Variants in ZNF862 observed in about 807,000 individuals in gnomAD.
The protein encoded by ZNF862 is zinc finger protein 862.
In ZNF862, 64 loss-of-function variants were observed where a neutral mutation model predicts 91.1. The observed-to-expected ratio is 0.70, with a 90% CI of 0.57 to 0.87. The LOEUF (loss-of-function observed/expected upper bound fraction) is 0.87, where lower values mean the gene tolerates loss of function less well. Ranked by LOEUF, ZNF862 falls within the 40% of genes least tolerant of loss-of-function variation. ZNF862 has a pLI of 0.00. For synonymous variants in ZNF862, 631 were observed against 618.1 expected (o/e 1.02, Z -0.31); for missense variants, 1,459 against 1,528.0 (o/e 0.95, Z 0.75).
chr7:149,860,517 C>T lies in ZNF862; in HGVS notation c.1357C>T (p.Pro453Ser). The T allele has an allele frequency of 1.2e-6, 2 of 1,613,930 alleles. No homozygotes were observed. The highest frequency in any genetic ancestry group is 1.7e-6 in the Non-Finnish European group (2 of 1,179,884). The change falls in exon 7 of 8, where the codon CCT (proline) becomes TCT (serine). Residue 453 changes from proline (P) to serine (S), a missense_variant. By Grantham distance (74) the Pro-to-Ser change is moderately conservative (BLOSUM62 -1). Transcript: ENST00000223210. The part of the protein sequence containing the change: ...SSSICEEGDG[P>S]RRIKRTYRPR... ...CAGCATTTGTGAGGAAGGAGATGGA[C>T]CTAGGAGAATCAAGAGGACATACAG...
rs1463908324 is a variant in ZNF862, at chr7:149,859,471, T to C, written c.1167T>C (p.Ala389=). ...TGATCTCCAAACTGGAGCGGAGGGCTGCACCCTGGATCAAGGACCCAAATG... is the reference window on the plus strand; with the variant it reads ...TGATCTCCAAACTGGAGCGGAGGGCCGCACCCTGGATCAAGGACCCAAATG... ...PDLISKLERR[A]APWIKDPNGP... The change falls in exon 6 of 8, where the codon GCT becomes GCC. Residue 389 remains alanine, a synonymous_variant. Transcript: ENST00000223210. 4 of 1,589,328 alleles carry C rather than the reference T, an allele frequency of 2.5e-6. No homozygotes were observed. Among genetic ancestry groups the C allele is most frequent in the Admixed American group, 1.8e-5 (1 of 56,598 alleles).
chr7:149,859,690 G>T (rs1301915810), intron 6 of ZNF862, 164 bp downstream of exon 6: 6 of 611,048 alleles, frequency 9.8e-6, no homozygotes, highest in Non-Finnish European at 1.4e-5. Flanking sequence ...AACTAACCCT[G>T]CCCACAGAGT....
chr7:149,850,061 G>A lies in ZNF862; in HGVS notation c.940-100G>A. The stretch of plus-strand genomic sequence containing the variant: ...TCTGAGTGCATCTGGGCCTCTTGGT[G>A]AGCTTCCCAGGAGAAATAGGGCTTC... On this transcript the variant is annotated intron_variant, in intron 4 of 7. Transcript: ENST00000223210. This position sits in a 1 kb window ranked among gnomAD's most constrained non-coding sequence, Gnocchi z 4.2. The A allele has an allele frequency of 7.8e-7, 1 of 1,289,966 alleles. No individual in the cohort carries two copies. Among genetic ancestry groups the A allele is most frequent in the South Asian group, 1.3e-5 (1 of 76,224 alleles). 79.9% of individuals were successfully genotyped at this position (1,289,966 alleles called of 1,614,324 possible). A position where few individuals can be genotyped will look rare whatever the true frequency, so the allele number is the denominator to read the frequency against.
At chr7:149,840,764 A>T (rs1439719316) in intron 1 of ZNF862, 1 of 171,024 alleles carries the variant, frequency 5.8e-6, no homozygotes. Context: ...ATTGTAGCCT[A>T]GGGGGCAAAA....
Position 149,864,110 on chromosome 7 carries a change from C to T in ZNF862, c.3336C>T (p.Ser1112=), listed in dbSNP as rs1744778221. ...CAQVPARSPA[S]ARLRKEEMGA... ...TGTATTCTCCTTCCTCCCTCACAGG[C>T]GCCAGGCTCAGGAAGGAGGAGATGG... The change falls in exon 8 of 8, where the codon AGC becomes AGT. Residue 1112 remains serine, a splice_region_variant and synonymous_variant. Transcript: ENST00000223210. The T allele has an allele frequency of 7.0e-6, 11 of 1,575,136 alleles. No individual in the cohort carries two copies. Among genetic ancestry groups the T allele is most frequent in the South Asian group, 2.3e-5 (2 of 85,590 alleles).
chr7:149,853,781 T>C (rs1205866978), intron 5 of ZNF862, among the ~76,000 whole-genome samples: 1 of 151,802 alleles, frequency 6.6e-6, no homozygotes, highest in Non-Finnish European at 1.5e-5. Flanking sequence ...CTACTAAAAA[T>C]ACAAAAATTA....
In ZNF862 at chr7:149,861,798, G is replaced by A. The variant is rs906190541; in HGVS notation, c.2638G>A (p.Glu880Lys). Reference sequence around the variant, plus strand: ...GCTGGGCCGCGCCTACGTGGCACTGGAGAGCCTCCGTCACCAGGCAGGGCC... The same window carrying A: ...GCTGGGCCGCGCCTACGTGGCACTGAAGAGCCTCCGTCACCAGGCAGGGCC... ...ATLGRAYVAL[E>K]SLRHQAGPKE... The change falls in exon 7 of 8, where the codon GAG becomes AAG. Residue 880 changes from glutamate (E) to lysine (K), a missense_variant. Transcript: ENST00000223210. The surrounding 1 kb of genome is among the most constrained non-coding windows in gnomAD (Gnocchi z 6.7). 4 of 1,613,528 alleles carry A rather than the reference G, an allele frequency of 2.5e-6. No homozygotes were observed. Among genetic ancestry groups the A allele is most frequent in the African/African-American group, 1.3e-5 (1 of 74,940 alleles).
intron 4 of ZNF862, among the ~76,000 whole-genome samples, chr7:149,848,793 T>C (rs1209777438): frequency 1.3e-5 from 2 of 152,066 alleles, no homozygotes; most frequent in African/African-American, 4.8e-5. Context: ...AGCTCTTAAG[T>C]AGTCAATATT....
intron 5 of ZNF862, among the ~76,000 whole-genome samples, chr7:149,854,972 C>A (rs1802209098): frequency 2.0e-5 from 3 of 152,322 alleles, no homozygotes; most frequent in South Asian, 4.1e-4. Flanking sequence ...TGTTCAGAGT[C>A]CCCTAACCTC....
intron 6 of ZNF862, chr7:149,859,786 A>G: frequency 2.2e-6 from 1 of 446,908 alleles, no homozygotes; most frequent in Non-Finnish European, 4.0e-6. Flanking sequence ...TGGTGGGAGC[A>G]GGTACGTGGG....
At position 149,848,366 on chromosome 7, in the gene ZNF862, T is replaced by C; in HGVS notation, c.873T>C (p.Thr291=). The C allele has an allele frequency of 4.4e-6, 7 of 1,605,000 alleles. No homozygotes were observed. The highest frequency in any genetic ancestry group is 6.0e-6 in the Non-Finnish European group (7 of 1,175,362). ...CAGATTTGAGGCAAAAAGAAATCAC[T>C]GATGGCATCCACAGCTCCTCAGACA... ...CISDLRQKEI[T]DGIHSSSDIN... The change falls in exon 4 of 8, where the codon ACT becomes ACC. Residue 291 remains threonine (T), a synonymous_variant. Coordinates refer to ENST00000223210, the MANE Select transcript of ZNF862 (RefSeq NM_001099220.3).
At chr7:149,851,018 C>G (rs928483344) in intron 5 of ZNF862, 8 of 152,326 alleles carry the variant, frequency 5.3e-5, no homozygotes, top group African/African-American at 1.9e-4. Context: ...ATGGTGCTCT[C>G]CTCTCCTGCA....
In ZNF862 at chr7:149,855,224, G is replaced by T. The variant is rs1802217024; in HGVS notation, c.1118-4198G>T. On this transcript the variant is annotated intron_variant, in intron 5 of 7. Transcript: ENST00000223210. This position sits in a 1 kb window ranked among gnomAD's most constrained non-coding sequence, Gnocchi z 4.1. The stretch of plus-strand genomic sequence containing the variant: ...GGAACACATGGGGCAGAATGTCAAT[G>T]ATTGGAGTTCCTTGTGTTATTCAAT... Among the ~76,000 whole-genome samples the T allele has an allele frequency of 6.6e-6, 1 of 152,224 alleles. No homozygotes were observed. The highest frequency in any genetic ancestry group is 2.4e-5 in the African/African-American group (1 of 41,454).
intron 1 of ZNF862, chr7:149,841,010 A>G: frequency 1.0e-6 from 1 of 985,416 alleles, no homozygotes; most frequent in African/African-American, 1.7e-5. Context: ...TTCACCCTTG[A>G]TTATAATCTT....
rs1290703279 is a variant in ZNF862 at position 149,848,170 on chromosome 7, A to G, written c.677A>G (p.Asp226Gly). The change falls in exon 4 of 8, where the codon GAT (aspartate) becomes GGT (glycine). Residue 226 changes from aspartate to glycine, a missense_variant. Physicochemically the swap from Asp to Gly is moderately conservative, Grantham distance 94 (BLOSUM62 -1). Transcript: ENST00000223210. ...CGGAGCATCAGAGACCCACCTGGAG[A>G]TGTTCTGGCCAGCCCGGAGCCGCTC... ...RFRSIRDPPG[D>G]VLASPEPLFT... 1.2e-6 allele frequency: 2 copies of G among 1,613,944 alleles called. No homozygotes were observed. The highest frequency in any genetic ancestry group is 4.5e-5 in the East Asian group (2 of 44,870).
intron 3 of ZNF862, among the ~76,000 whole-genome samples, chr7:149,846,551 G>A (rs1801878305): frequency 6.6e-6 from 1 of 152,156 alleles, no homozygotes. Context: ...CTAGTGCTTA[G>A]AACAATACCT....
chr7:149,866,172 A>T lies in ZNF862; in HGVS notation c.*1888A>T, dbSNP rs550472103. The T allele has an allele frequency of 2.6e-5, 4 of 152,042 alleles. No homozygotes were observed. The South Asian group carries it at 8.3e-4, about 32-fold the overall frequency. The allele number at this position is 152,042 out of a possible 1,614,324, so 9.4% of individuals were successfully genotyped here. A position where few individuals can be genotyped will look rare whatever the true frequency, so the allele number is the denominator to read the frequency against. On this transcript the variant is annotated 3_prime_UTR_variant, in exon 8 of 8. Transcript: ENST00000223210. ...ATTCCTTTCTTGCTTTCTGCCTTTG[A>T]CCTGTGGAAATGTCTCCCAGCCCTG...
rs1436922774 is a variant in ZNF862 at position 149,848,154 on chromosome 7, A to G, written c.661A>G (p.Arg221Gly). 1 of 1,614,030 alleles carries G rather than the reference A, an allele frequency of 6.2e-7. No individual in the cohort carries two copies. Among genetic ancestry groups the G allele is most frequent in the Admixed American group, 1.7e-5 (1 of 60,034 alleles). Residue 221 changes from arginine to glycine, a missense_variant, in exon 4 of 8, where the codon AGA (arginine) becomes GGA (glycine). Transcript: ENST00000223210. ...PIWAARFRSI[R>G]DPPGDVLASP... The stretch of plus-strand genomic sequence containing the variant: ...CTGGGCAGCCCGGTTCCGGAGCATC[A>G]GAGACCCACCTGGAGATGTTCTGGC...
intron 7 of ZNF862, among the ~76,000 whole-genome samples, chr7:149,863,257 C>G (rs1453988881): frequency 6.6e-6 from 1 of 152,222 alleles, no homozygotes; most frequent in African/African-American, 2.4e-5. Flanking sequence ...CTCCAGACCA[C>G]TCGCGACCAC....
Sources: gnomAD v4.1 joint callset for allele counts (sites outside exome capture counted in the v4.1 genomes callset) on GRCh38, gnomAD v4.1.1 for gene constraint, Gnocchi (gnomAD v3.1) non-coding constraint, MANE v1.5 for transcripts, NCBI Gene and HGNC (gene_info 2026-07-23, HGNC 2026-07-21) for gene names.